The following ALMS1 variants were observed in gnomAD, a reference collection of about 807,000 sequenced individuals.
ALMS1 encodes centrosome-associated protein ALMS1.
A neutral mutation model predicts 352.2 loss-of-function variants in ALMS1; 271 were observed. The observed-to-expected ratio is 0.77, with a 90% confidence interval of 0.70 to 0.85. The LOEUF is 0.85. ALMS1 is among the 40% of genes least tolerant of loss of function. ALMS1 has a pLI of 0.00. For missense variants in ALMS1, 5,445 were observed against 4,870.7 expected (o/e 1.12, Z -3.51); for synonymous variants, 1,865 against 1,761.2 (o/e 1.06, Z -1.48).
chr2:73,445,869 A>G (rs1671803215), intron 7 of ALMS1, among the ~76,000 whole-genome samples: 1 of 152,186 alleles, frequency 6.6e-6, no homozygotes, highest in Non-Finnish European at 1.5e-5. Flanking sequence ...TCCAAAGATT[A>G]TATCAGTATG....
At chr2:73,431,104 A>G (rs1384091695) in intron 6 of ALMS1, among the ~76,000 whole-genome samples, 2 of 152,080 alleles carry the variant, frequency 1.3e-5, no homozygotes, top group African/African-American at 4.8e-5. Flanking sequence ...GATGTTTTGC[A>G]TCATCCATCC....
chr2:73,441,975 A>T (rs1671727886), intron 7 of ALMS1, among the ~76,000 whole-genome samples: 1 of 152,122 alleles, frequency 6.6e-6, no homozygotes, highest in Admixed American at 6.5e-5. Context: ...AAACTCAGGG[A>T]TCTCAAGCCA....
Position 73,550,305 on chromosome 2 carries a change from G to T in ALMS1, c.9946G>T (p.Val3316Leu). 2.5e-6 allele frequency: 4 copies of T among 1,614,080 alleles called. No homozygotes were observed. Among genetic ancestry groups the T allele is most frequent in the Non-Finnish European group, 2.5e-6 (3 of 1,180,004 alleles). The change falls in exon 13 of 23, where the codon GTG becomes TTG. Residue 3316 changes from valine (V) to leucine (L), a missense_variant. Physicochemically the swap from Val to Leu is conservative, Grantham distance 32. Coordinates refer to ENST00000613296, the MANE Select transcript of ALMS1 (RefSeq NM_001378454.1). ...DAIAPDFPAQ[V>L]LGTRDDDLSA... Reference sequence around the variant, plus strand: ...CATTGCTCCAGACTTCCCAGCTCAGGTGCTAGGCACAAGAGATGATGACCT... The same window carrying T: ...CATTGCTCCAGACTTCCCAGCTCAGTTGCTAGGCACAAGAGATGATGACCT...
intron 1 of ALMS1, among the ~76,000 whole-genome samples, chr2:73,389,070 C>T (rs1574425632): frequency 6.6e-6 from 1 of 152,132 alleles, no homozygotes; most frequent in Non-Finnish European, 1.5e-5. Flanking sequence ...ACAGTGTATA[C>T]GTGTTCCCTT....
chr2:73,479,573 A>T (rs1263826811), intron 9 of ALMS1, among the ~76,000 whole-genome samples: 1 of 152,036 alleles, frequency 6.6e-6, no homozygotes, highest in Non-Finnish European at 1.5e-5. Context: ...TTTTTTATTG[A>T]TGTATAGTAT....
chr2:73,518,936 C>G (rs1673615180), intron 10 of ALMS1, among the ~76,000 whole-genome samples: 2 of 152,102 alleles, frequency 1.3e-5, no homozygotes, highest in African/African-American at 4.8e-5. Context: ...AATTAGATCC[C>G]ACTTGTCAGT....
intron 10 of ALMS1, among the ~76,000 whole-genome samples, chr2:73,504,761 G>C (rs1008118875): frequency 2.6e-5 from 4 of 151,494 alleles, no homozygotes; most frequent in Non-Finnish European, 4.4e-5. Context: ...TTTAAGTTTT[G>C]GAATACATGT....
chr2:73,543,893 A>T (rs1016019909), intron 12 of ALMS1, among the ~76,000 whole-genome samples: 1 of 152,204 alleles, frequency 6.6e-6, no homozygotes, highest in East Asian at 1.9e-4. Context: ...GTGGAGAAAT[A>T]AGAACACTTT....
chr2:73,554,854 T>A (rs1466067356), intron 13 of ALMS1, among the ~76,000 whole-genome samples: 1 of 152,200 alleles, frequency 6.6e-6, no homozygotes, highest in East Asian at 1.9e-4. Context: ...TCCCCCATAT[T>A]TTCCACTGTA....
At chr2:73,400,762 A>T (rs759685665) in intron 1 of ALMS1, among the ~76,000 whole-genome samples, 3 of 151,998 alleles carry the variant, frequency 2.0e-5, no homozygotes, top group Non-Finnish European at 4.4e-5. Context: ...TTTAATGTCC[A>T]TGAGATCTGT....
chr2:73,422,389 A>C (rs1001489929), intron 3 of ALMS1, among the ~76,000 whole-genome samples: 2 of 152,108 alleles, frequency 1.3e-5, no homozygotes, highest in Non-Finnish European at 2.9e-5. Flanking sequence ...GGTACCCCCT[A>C]AGAGTGTCTT....
intron 10 of ALMS1, among the ~76,000 whole-genome samples, chr2:73,493,409 T>C (rs1437574231): frequency 6.6e-6 from 1 of 150,932 alleles, no homozygotes; most frequent in African/African-American, 2.4e-5. Context: ...TAAGTAAATA[T>C]ATATATAATA....
Position 73,451,918 on chromosome 2 carries a change from G to C in ALMS1, c.5391G>C (p.Gly1797=). ...CTGGACCAGCTGACCAGAAGACTGG[G>C]GTATCAACAGTAACCTCTACTTCCT... is the stretch of plus-strand genomic sequence containing the variant. The part of the protein sequence containing the change: ...NVPGPADQKT[G]VSTVTSTSYS... The change falls in exon 8 of 23, where the codon GGG becomes GGC. Residue 1797 remains glycine, a synonymous_variant. Transcript: ENST00000613296. The C allele has an allele frequency of 6.2e-7, 1 of 1,613,746 alleles. No individual in the cohort carries two copies. Among genetic ancestry groups the C allele is most frequent in the South Asian group, 1.1e-5 (1 of 91,052 alleles).
At chr2:73,539,716 T>C (rs1463540615) in intron 12 of ALMS1, among the ~76,000 whole-genome samples, 2 of 152,168 alleles carry the variant, frequency 1.3e-5, no homozygotes, top group African/African-American at 4.8e-5. Flanking sequence ...GCAAGAGAAC[T>C]ACGTGGCGAA....
chr2:73,407,939 A>G (rs955113708), intron 1 of ALMS1, among the ~76,000 whole-genome samples: 4 of 152,110 alleles, frequency 2.6e-5, no homozygotes, highest in African/African-American at 9.7e-5. Context: ...ATTTTTAGTA[A>G]GAGGGTTATT....
rs1263002065 is a variant in ALMS1, at chr2:73,495,829, T to G, written c.9539+4331T>G. 2.6e-5 allele frequency among the ~76,000 whole-genome samples: 4 copies of G among 152,298 alleles called. No individual in the cohort carries two copies. The East Asian group carries it at 5.8e-4, about 22-fold the overall frequency. ...CTTTATTTGTAACTTCTGTCTCTAA[T>G]AGCGATAAAACTGGCTCTCATTATC... On this transcript the variant is annotated intron_variant, in intron 10 of 22. Transcript: ENST00000613296.
chr2:73,417,770 TTGAAAA>T (rs1439963179), intron 2 of ALMS1, among the ~76,000 whole-genome samples: 1 of 152,224 alleles, frequency 6.6e-6, no homozygotes, highest in Non-Finnish European at 1.5e-5. Context: ...ATCAAATTAT[TTGAAAA>T]TGAAAATACT....
intron 1 of ALMS1, among the ~76,000 whole-genome samples, chr2:73,390,518 A>G (rs934507938): frequency 3.3e-5 from 5 of 152,236 alleles, no homozygotes; most frequent in Admixed American, 2.0e-4. Flanking sequence ...GAGTTAAACT[A>G]TGATACTGTT....
intron 9 of ALMS1, among the ~76,000 whole-genome samples, chr2:73,464,317 G>T (rs532878119): frequency 2.7e-4 from 41 of 152,236 alleles, no homozygotes; most frequent in African/African-American, 8.9e-4. Flanking sequence ...ACGTAATCCA[G>T]CATATACACA....
Sources: gnomAD v4.1 joint callset for allele counts (sites outside exome capture counted in the v4.1 genomes callset) on GRCh38, gnomAD v4.1.1 for gene constraint, MANE v1.5 for transcripts, NCBI Gene and HGNC (gene_info 2026-07-23, HGNC 2026-07-21) for gene names.